The following DNM1 variants were observed in gnomAD, a reference collection of about 807,000 sequenced individuals.
The protein encoded by DNM1 is dynamin-1.
In DNM1, 29 loss-of-function variants were observed where a neutral mutation model predicts 104.6. The ratio of observed to expected loss-of-function variants is 0.28; its 90% CI spans 0.21 to 0.38. DNM1 has a LOEUF of 0.38. Among genes scored for constraint, DNM1 ranks in the 10% least tolerant of loss-of-function variants. The probability of loss-of-function intolerance (pLI) is 1.00; values close to 1 mark genes in which losing one functional copy is unlikely to be tolerated. For missense variants in DNM1, 640 were observed against 1,189.4 expected (o/e 0.54, Z 6.79); for synonymous variants, 445 against 475.8 (o/e 0.94, Z 0.84).
Position 128,222,657 on chromosome 9 carries a change from T to G in DNM1, c.1128+61T>G. Reference sequence around the variant, plus strand: ...GACTCCCCCCACCCTCACTCAGGACTCTCTCTGCGTGTGTTTTTGCTGGCC... The same window carrying G: ...GACTCCCCCCACCCTCACTCAGGACGCTCTCTGCGTGTGTTTTTGCTGGCC... On this transcript the variant is annotated intron_variant, in intron 8 of 21. Transcript: ENST00000372923. This position sits in a 1 kb window ranked among gnomAD's most constrained non-coding sequence, Gnocchi z 7.8. 6.2e-7 allele frequency: 1 copy of G among 1,605,862 alleles called. No individual in the cohort carries two copies. The highest frequency in any genetic ancestry group is 8.5e-7 in the Non-Finnish European group (1 of 1,174,064).
intron 10 of DNM1, chr9:128,226,174 G>A (rs778887259): frequency 6.2e-7 from 1 of 1,612,740 alleles, no homozygotes; most frequent in African/African-American, 1.3e-5. Flanking sequence ...TAGCGAAAAG[G>A]TATGACGGCC....
chr9:128,222,375 C>T lies in DNM1; in HGVS notation c.992+36C>T. 3 of 1,608,356 alleles carry T rather than the reference C, an allele frequency of 1.9e-6. No individual in the cohort carries two copies. The highest frequency in any genetic ancestry group is 2.6e-6 in the Non-Finnish European group (3 of 1,176,012). ...CCCAGCTCCTATCACTGAATCCCCG[C>T]CCCCAGCCTCTCAGCGTGGGGCTCT... On this transcript the variant is annotated intron_variant, in intron 7 of 21. Transcript: ENST00000372923. This position sits in a 1 kb window ranked among gnomAD's most constrained non-coding sequence, Gnocchi z 7.8.
chr9:128,211,620 C>T (rs1383157938), intron 1 of DNM1, among the ~76,000 whole-genome samples: 3 of 152,090 alleles, frequency 2.0e-5, no homozygotes, highest in African/African-American at 7.2e-5. Context: ...GATCCTCCCA[C>T]CTCAGCCTCC....
chr9:128,205,838 T>C (rs886673794), intron 1 of DNM1, among the ~76,000 whole-genome samples: 4 of 152,186 alleles, frequency 2.6e-5, no homozygotes, highest in Non-Finnish European at 4.4e-5. Flanking sequence ...GAGTACTTGC[T>C]TGTTGAGTGG....
intron 10 of DNM1, among the ~76,000 whole-genome samples, chr9:128,227,375 CTTTTTTTTTTTTTT>C (rs59856862): frequency 2.0e-5 from 1 of 50,422 alleles, no homozygotes; most frequent in Non-Finnish European, 3.3e-5. Context: ...GGTCTCATGC[CTTTTTTTTTTTTTT>C]TTTTTTTTTT....
rs1214902326 is a variant in DNM1, at chr9:128,220,159, C to T, written c.689-22C>T. On this transcript the variant is annotated intron_variant, in intron 5 of 21. Coordinates refer to ENST00000372923, the MANE Select transcript of DNM1 (RefSeq NM_004408.4). This position sits in a 1 kb window ranked among gnomAD's most constrained non-coding sequence, Gnocchi z 5.2. Reference sequence around the variant, plus strand: ...TCCCCTCCTCTTGAGGCTGGTTGCCCTGACCTTGATACTGTTCACAGGCTA... The same window carrying T: ...TCCCCTCCTCTTGAGGCTGGTTGCCTTGACCTTGATACTGTTCACAGGCTA... The T allele has an allele frequency of 3.1e-6, 5 of 1,613,888 alleles. No homozygotes were observed. The highest frequency in any genetic ancestry group is 1.1e-5 in the South Asian group (1 of 91,082).
chr9:128,233,310 C>A (rs1292021820), intron 10 of DNM1, among the ~76,000 whole-genome samples: 2 of 152,202 alleles, frequency 1.3e-5, no homozygotes, highest in Non-Finnish European at 2.9e-5. Flanking sequence ...GGAGACAGAG[C>A]TGAATGGATT....
intron 21 of DNM1, 54 bp downstream of exon 21, chr9:128,250,994 G>A (rs1282935570): frequency 2.7e-6 from 3 of 1,103,358 alleles, no homozygotes; most frequent in Non-Finnish European, 3.9e-6. Flanking sequence ...GTGGCCGGGA[G>A]GGAAATGGGG....
rs1834723568 is a variant in DNM1, at chr9:128,218,131, T to G, written c.162-100T>G. The G allele has an allele frequency of 1.7e-6, 2 of 1,143,582 alleles. No individual in the cohort carries two copies. 70.8% of individuals were successfully genotyped at this position (1,143,582 alleles called of 1,614,324 possible). The stretch of plus-strand genomic sequence containing the variant: ...CTAAGGAGCGGTGGAGCCAGCACTT[T>G]GGAAGGAGCTTTGGCTTTCCCAGGG... On this transcript the variant is annotated intron_variant, in intron 1 of 21. Coordinates refer to ENST00000372923, the MANE Select transcript of DNM1 (RefSeq NM_004408.4). The surrounding 1 kb of genome is among the most constrained non-coding windows in gnomAD (Gnocchi z 4.8).
At chr9:128,231,302 A>G (rs931610322) in intron 10 of DNM1, among the ~76,000 whole-genome samples, 3 of 142,150 alleles carry the variant, frequency 2.1e-5, no homozygotes, top group African/African-American at 8.0e-5. Flanking sequence ...TCCTGGGTCC[A>G]AGTGATTCTC....
intron 1 of DNM1, among the ~76,000 whole-genome samples, chr9:128,217,140 C>T (rs556989292): frequency 3.9e-5 from 6 of 152,268 alleles, no homozygotes; most frequent in Admixed American, 1.3e-4. Flanking sequence ...GGTCTGGGGA[C>T]GGGGGATGAC....
At position 128,224,674 on chromosome 9, in the gene DNM1, T is replaced by C. The variant is rs548762658; in HGVS notation, c.1335+285T>C. ...CCAAGAGCTCCCCCAGCTCAGAGAA[T>C]AGGGCTTGAGGGGACCCTGAGCCCC... On this transcript the variant is annotated intron_variant, in intron 10 of 21. Coordinates refer to ENST00000372923, the MANE Select transcript of DNM1 (RefSeq NM_004408.4). The surrounding 1 kb of genome is among the most constrained non-coding windows in gnomAD (Gnocchi z 4.3). Among the ~76,000 whole-genome samples the C allele has an allele frequency of 5.3e-5, 8 of 152,050 alleles. No homozygotes were observed. The highest frequency in any genetic ancestry group is 1.9e-4 in the East Asian group (1 of 5,142).
In DNM1 at chr9:128,253,955, G is replaced by C; in HGVS notation, c.2535-699G>C. 8.1e-7 allele frequency: 1 copy of C among 1,233,420 alleles called. No individual in the cohort carries two copies. The highest frequency in any genetic ancestry group is 1.0e-6 in the Non-Finnish European group (1 of 988,994). The allele number at this position is 1,233,420 out of a possible 1,614,324, so 76.4% of individuals were successfully genotyped here. A position where few individuals can be genotyped will look rare whatever the true frequency, so the allele number is the denominator to read the frequency against. ...GGCCCAGCTGAGCTCCGCCCAGTGA[G>C]CCCACCCCCCATTCTCCTGCCACTG... On this transcript the variant is annotated intron_variant, in intron 21 of 21. Transcript: ENST00000372923. The surrounding 1 kb of genome is among the most constrained non-coding windows in gnomAD (Gnocchi z 5.9).
At position 128,231,020 on chromosome 9, in the gene DNM1, C is replaced by G. The variant is rs548796684; in HGVS notation, c.1336-3001C>G. Among the ~76,000 whole-genome samples, 3 of 152,024 alleles carry G rather than the reference C, an allele frequency of 2.0e-5. No homozygotes were observed. In the East Asian group the frequency reaches 5.8e-4, roughly 30 times the overall value. On this transcript the variant is annotated intron_variant, in intron 10 of 21. Coordinates refer to ENST00000372923, the MANE Select transcript of DNM1 (RefSeq NM_004408.4). ...ATTTCACCATGTTAGCCAGGCTGGTCTCAAACTCCTGACCTCAAGTGATCT... is the reference window on the plus strand; with the variant it reads ...ATTTCACCATGTTAGCCAGGCTGGTGTCAAACTCCTGACCTCAAGTGATCT...
rs769415906 is a variant in DNM1 at position 128,224,235 on chromosome 9, C to T, written c.1197-16C>T. On this transcript the variant is annotated splice_polypyrimidine_tract_variant and intron_variant, in intron 9 of 21. Coordinates refer to ENST00000372923, the MANE Select transcript of DNM1 (RefSeq NM_004408.4). The surrounding 1 kb of genome is among the most constrained non-coding windows in gnomAD (Gnocchi z 4.3). Reference sequence around the variant, plus strand: ...GGCCTGTGACACTCTGCCCTTCTCCCGCTCCGGGCGTTCAGAACGGGGCTG... The same window carrying T: ...GGCCTGTGACACTCTGCCCTTCTCCTGCTCCGGGCGTTCAGAACGGGGCTG... The T allele has an allele frequency of 1.2e-5, 19 of 1,611,240 alleles. 1 individual carries two copies. In the African/African-American group the frequency reaches 1.7e-4, roughly 15 times the overall value.
chr9:128,242,751 C>T (rs969899620), intron 15 of DNM1, among the ~76,000 whole-genome samples: 1 of 152,064 alleles, frequency 6.6e-6, no homozygotes, highest in African/African-American at 2.4e-5. Context: ...CAGAGTGAGA[C>T]TCCATCTCAA....
At chr9:128,205,730 C>T (rs557486819) in intron 1 of DNM1, among the ~76,000 whole-genome samples, 2 of 152,272 alleles carry the variant, frequency 1.3e-5, no homozygotes, top group East Asian at 1.9e-4. Context: ...CGGGAGGGGG[C>T]GCTGATAGCC....
Position 128,254,419 on chromosome 9 carries a change from C to T in DNM1, c.2535-235C>T. Reference sequence around the variant, plus strand: ...AGCGTGTGTGGGGTGGGGAGGGCCGCCACAGCCCCCAGGCGCTATCTGTGA... The same window carrying T: ...AGCGTGTGTGGGGTGGGGAGGGCCGTCACAGCCCCCAGGCGCTATCTGTGA... On this transcript the variant is annotated intron_variant, in intron 21 of 21. Transcript: ENST00000372923. This position sits in a 1 kb window ranked among gnomAD's most constrained non-coding sequence, Gnocchi z 6.1. 1 of 1,433,170 alleles carries T rather than the reference C, an allele frequency of 7.0e-7. No homozygotes were observed. The highest frequency in any genetic ancestry group is 2.6e-5 in the East Asian group (1 of 38,358). The allele number at this position is 1,433,170 out of a possible 1,614,324, so 88.8% of individuals were successfully genotyped here. A position where few individuals can be genotyped will look rare whatever the true frequency, so the allele number is the denominator to read the frequency against.
At chr9:128,206,881 G>T (rs1052314228) in intron 1 of DNM1, among the ~76,000 whole-genome samples, 2 of 152,050 alleles carry the variant, frequency 1.3e-5, no homozygotes, top group African/African-American at 4.8e-5. Context: ...TCTAGCAAGG[G>T]TGTGACTTGG....
Sources: allele counts gnomAD v4.1 joint callset (sites outside exome capture counted in the v4.1 genomes callset), GRCh38; gene constraint gnomAD v4.1.1; non-coding constraint Gnocchi (gnomAD v3.1); transcripts MANE v1.5; gene names NCBI Gene and HGNC (gene_info 2026-07-23, HGNC 2026-07-21).